The following LRP1B variants were observed in gnomAD, a reference collection of about 807,000 sequenced individuals.
The protein encoded by LRP1B is LDL receptor related protein 1B.
A neutral mutation model predicts 556.6 loss-of-function variants in LRP1B; 217 were observed. That is an observed-to-expected ratio of 0.39 (90% CI 0.35 to 0.44). The LOEUF is 0.44. Among genes scored for constraint, LRP1B ranks in the 20% least tolerant of loss-of-function variants. The probability of loss-of-function intolerance (pLI) is 1.00; values close to 1 mark genes in which losing one functional copy is unlikely to be tolerated. For synonymous variants in LRP1B, 2,047 were observed against 1,865.8 expected, an observed-to-expected ratio of 1.10 and a Z score of -2.50; for missense variants, 5,053 against 5,620.8, an observed-to-expected ratio of 0.90 and a Z score of 3.23.
At chr2:140,337,393 TATAA>T (rs1357038746) in intron 77 of LRP1B, among the ~76,000 whole-genome samples, 1 of 151,996 alleles carries the variant, frequency 6.6e-6, no homozygotes, top group Non-Finnish European at 1.5e-5. Flanking sequence ...AGAAATGTCA[TATAA>T]ATAATATTCA....
chr2:141,191,469 C>T (rs72981924), intron 6 of LRP1B, among the ~76,000 whole-genome samples: 6,690 of 151,920 alleles, frequency 0.044, 465 homozygotes, highest in African/African-American at 0.15. Context: ...TATGTGTCAG[C>T]ATTACCATTT....
At chr2:141,854,979 A>AT (rs1427098905) in intron 1 of LRP1B, among the ~76,000 whole-genome samples, 3 of 152,122 alleles carry the variant, frequency 2.0e-5, no homozygotes, top group Admixed American at 2.0e-4. Context: ...AGCATGAAGT[A>AT]TGTAGTAAGT....
At chr2:140,287,202 CATTTT>C (rs1303643158) in intron 84 of LRP1B, among the ~76,000 whole-genome samples, 2 of 151,674 alleles carry the variant, frequency 1.3e-5, no homozygotes, top group Admixed American at 6.6e-5. Flanking sequence ...TGTTTTAAAA[CATTTT>C]ATTTATTTAT....
chr2:141,552,073 C>G (rs1685773726), intron 2 of LRP1B, among the ~76,000 whole-genome samples: 2 of 151,884 alleles, frequency 1.3e-5, no homozygotes, highest in African/African-American at 4.8e-5. Context: ...CAAAGTCTTT[C>G]TTTTTTTATA....
chr2:142,009,948 A>G (rs1406871433), intron 1 of LRP1B, among the ~76,000 whole-genome samples: 5 of 152,128 alleles, frequency 3.3e-5, no homozygotes, highest in Non-Finnish European at 7.4e-5. Context: ...GTATGTATAT[A>G]CTGTTGTATA....
intron 46 of LRP1B, 30 bp from the exon 47 acceptor site, chr2:140,534,170 A>G (rs777526037): frequency 1.9e-6 from 3 of 1,587,456 alleles, no homozygotes; most frequent in Non-Finnish European, 2.6e-6. Flanking sequence ...ACACACAACC[A>G]GAGATCATAT....
At chr2:140,834,131 C>A (rs1691815090) in intron 31 of LRP1B, among the ~76,000 whole-genome samples, 1 of 152,164 alleles carries the variant, frequency 6.6e-6, no homozygotes, top group Admixed American at 6.5e-5. Context: ...CTGTTCTAAC[C>A]AGTCTGAAAT....
At chr2:140,322,897 T>TTCAACTATGAATATAAAAA (rs1680227699) in intron 81 of LRP1B, among the ~76,000 whole-genome samples, 1 of 149,524 alleles carries the variant, frequency 6.7e-6, no homozygotes, top group Non-Finnish European at 1.5e-5. Context: ...TGTGGCAATA[T>TTCAACTATGAATATAAAAA]TCAACTATGA....
intron 41 of LRP1B, among the ~76,000 whole-genome samples, chr2:140,664,913 C>T (rs1685215370): frequency 6.6e-6 from 1 of 151,910 alleles, no homozygotes; most frequent in Non-Finnish European, 1.5e-5. Context: ...CAATAAAATG[C>T]AACAATATAT....
intron 2 of LRP1B, among the ~76,000 whole-genome samples, chr2:141,748,818 A>G (rs941568829): frequency 2.0e-5 from 3 of 152,158 alleles, no homozygotes; most frequent in African/African-American, 7.2e-5. Flanking sequence ...AAAGCTTTTA[A>G]AAGCTCTGAC....
intron 41 of LRP1B, among the ~76,000 whole-genome samples, chr2:140,670,073 T>C (rs1472393322): frequency 6.6e-6 from 1 of 152,126 alleles, no homozygotes; most frequent in Non-Finnish European, 1.5e-5. Flanking sequence ...CAAACTTCTC[T>C]AAGAATGTTT....
chr2:141,658,319 A>G (rs1437579276), intron 2 of LRP1B, among the ~76,000 whole-genome samples: 1 of 152,248 alleles, frequency 6.6e-6, no homozygotes, highest in Non-Finnish European at 1.5e-5. Flanking sequence ...TAATGTTAAT[A>G]TCTCCACAGG....
intron 43 of LRP1B, among the ~76,000 whole-genome samples, chr2:140,568,732 C>T (rs965306006): frequency 1.1e-4 from 16 of 151,962 alleles, no homozygotes; most frequent in East Asian, 3.9e-4. Context: ...AACTGAAAGA[C>T]GACAGTGTAA....
chr2:140,938,910 A>T (rs1182014361), intron 20 of LRP1B, among the ~76,000 whole-genome samples: 1 of 152,110 alleles, frequency 6.6e-6, no homozygotes, highest in African/African-American at 2.4e-5. Flanking sequence ...AGCAAAAGAA[A>T]TAAACAATAA....
chr2:141,180,851 T>C (rs895980274), intron 7 of LRP1B, among the ~76,000 whole-genome samples: 1 of 151,942 alleles, frequency 6.6e-6, no homozygotes, highest in Non-Finnish European at 1.5e-5. Flanking sequence ...CAAATAATAT[T>C]TGTTCACATT....
intron 2 of LRP1B, among the ~76,000 whole-genome samples, chr2:141,809,793 C>T (rs1364230109): frequency 6.6e-6 from 1 of 151,834 alleles, no homozygotes; most frequent in Non-Finnish European, 1.5e-5. Flanking sequence ...GTGTACTGCC[C>T]TGAGATATTA....
intron 7 of LRP1B, among the ~76,000 whole-genome samples, chr2:141,136,558 G>A (rs115720209): frequency 0.034 from 4,709 of 140,344 alleles, 102 homozygotes; most frequent in Non-Finnish European, 0.045. Context: ...TTCATTATTC[G>A]AAACAATTTA....
In LRP1B at chr2:141,905,789, G is replaced by GTGTGTT. The variant is rs758409419; in HGVS notation, c.83-95389_83-95388insAACACA. ...GATGTGTGTGTGTGTGTGTGTGTGTGTGTGTGTGTGTGTGTGGCTAGGTGT... is the reference window on the plus strand; with the variant it reads ...GATGTGTGTGTGTGTGTGTGTGTGTGTGTGTTTGTGTGTGTGTGTGTGGCTAGGTGT... On this transcript the variant is annotated intron_variant, in intron 1 of 90. Coordinates refer to ENST00000389484, the MANE Select transcript of LRP1B (RefSeq NM_018557.3). Among the ~76,000 whole-genome samples, 215 of 151,068 alleles carry GTGTGTT rather than the reference G, an allele frequency of 1.4e-3. 1 individual carries two copies. The highest frequency in any genetic ancestry group is 2.4e-3 in the Non-Finnish European group (165 of 67,652).
intron 1 of LRP1B, among the ~76,000 whole-genome samples, chr2:141,927,583 A>T (rs1198975161): frequency 2.6e-5 from 4 of 151,802 alleles, no homozygotes. Context: ...TTCCTTTTTA[A>T]TCTACTTTTC....
Sources: allele counts gnomAD v4.1 joint callset (sites outside exome capture counted in the v4.1 genomes callset), GRCh38; gene constraint gnomAD v4.1.1; transcripts MANE v1.5; gene names NCBI Gene and HGNC (gene_info 2026-07-23, HGNC 2026-07-21).